Variants in ROBO2 observed in about 807,000 individuals in gnomAD.
ROBO2 encodes roundabout guidance receptor 2, also known as roundabout homolog 2.
Under a neutral mutation model 160.8 loss-of-function variants are expected in ROBO2, and 53 were observed. The observed-to-expected ratio is 0.33, with a 90% CI of 0.26 to 0.41. The LOEUF is 0.41. Ranked by LOEUF, ROBO2 falls within the 10% of genes least tolerant of loss-of-function variation. ROBO2 has a pLI of 1.00. For missense variants in ROBO2, 1,577 were observed against 1,722.4 expected (o/e 0.92, Z 1.49); for synonymous variants, 664 against 611.7 (o/e 1.09, Z -1.26).
At chr3:77,350,418 G>A (rs779616397) in intron 2 of ROBO2, among the ~76,000 whole-genome samples, 1 of 152,124 alleles carries the variant, frequency 6.6e-6, no homozygotes, top group Admixed American at 6.6e-5. Flanking sequence ...TTAATTGAAT[G>A]TGAGTCTCTT....
At chr3:76,812,364 C>T (rs955495467) in intron 2 of ROBO2, among the ~76,000 whole-genome samples, 19 of 73,164 alleles carry the variant, frequency 2.6e-4, no homozygotes, top group Admixed American at 1.3e-3. Context: ...AAAAAAAAAA[C>T]GTGTTTGAAG....
intron 2 of ROBO2, among the ~76,000 whole-genome samples, chr3:77,469,463 CTGGTGG>C (rs756598567): frequency 6.6e-6 from 1 of 151,896 alleles, no homozygotes; most frequent in Non-Finnish European, 1.5e-5. Flanking sequence ...CCTATGGTAA[CTGGTGG>C]TGGTGGTGGT....
intron 1 of ROBO2, among the ~76,000 whole-genome samples, chr3:75,934,471 ATTAC>A (rs1947684628): frequency 1.3e-5 from 2 of 152,300 alleles, no homozygotes; most frequent in South Asian, 4.1e-4. Flanking sequence ...CTTCTTACAA[ATTAC>A]TTGTTTTATC....
intron 2 of ROBO2, among the ~76,000 whole-genome samples, chr3:76,401,568 G>A (rs757366291): frequency 4.6e-5 from 7 of 151,402 alleles, no homozygotes; most frequent in East Asian, 1.9e-4. Context: ...CAACAATAAC[G>A]GAACCAGTAA....
At chr3:76,307,992 AG>A (rs1397068712) in intron 2 of ROBO2, among the ~76,000 whole-genome samples, 12 of 152,150 alleles carry the variant, frequency 7.9e-5, no homozygotes, top group African/African-American at 2.9e-4. Flanking sequence ...CTTGGAACTG[AG>A]GGGTTTGAAT....
intron 2 of ROBO2, among the ~76,000 whole-genome samples, chr3:76,377,853 G>T (rs1049857004): frequency 6.6e-6 from 1 of 152,014 alleles, no homozygotes; most frequent in African/African-American, 2.4e-5. Flanking sequence ...ACCAAACTTG[G>T]TGACATGTTT....
intron 16 of ROBO2, among the ~76,000 whole-genome samples, chr3:77,586,316 T>G (rs1285191023): frequency 2.0e-5 from 3 of 152,144 alleles, no homozygotes; most frequent in Admixed American, 2.0e-4. Flanking sequence ...AGTTATTGCT[T>G]CTCTAATCAT....
In ROBO2 at chr3:76,961,757, C is replaced by T. The variant is rs148770318; in HGVS notation, c.110-136257C>T. The stretch of plus-strand genomic sequence containing the variant: ...TTAAGTTTCCATAGTCCTCACAAGG[C>T]AATCAGTACAAATATACAATTAATT... On this transcript the variant is annotated intron_variant, in intron 2 of 26. Coordinates refer to the ROBO2 transcript ENST00000487694. Among the ~76,000 whole-genome samples the T allele has an allele frequency of 1.1e-4, 17 of 152,286 alleles. No homozygotes were observed. In the East Asian group the frequency reaches 3.3e-3, roughly 29 times the overall value.
intron 1 of ROBO2, among the ~76,000 whole-genome samples, chr3:77,070,542 G>T (rs72904045): frequency 5.8e-4 from 89 of 152,138 alleles, no homozygotes; most frequent in African/African-American, 2.0e-3. Context: ...TCTAAATAAG[G>T]TCATACGATG....
chr3:76,657,329 G>A (rs539260533), intron 2 of ROBO2, among the ~76,000 whole-genome samples: 1 of 151,930 alleles, frequency 6.6e-6, no homozygotes, highest in Admixed American at 6.5e-5. Flanking sequence ...GGAAGCTGAG[G>A]CAGGAGAATG....
intron 2 of ROBO2, among the ~76,000 whole-genome samples, chr3:77,370,891 T>C (rs184132951): frequency 3.4e-4 from 52 of 152,246 alleles, no homozygotes; most frequent in Non-Finnish European, 1.5e-5. Context: ...CTCTCTAGAC[T>C]TTTACAGATC....
At chr3:77,173,542 T>G (rs1214676937) in intron 2 of ROBO2, among the ~76,000 whole-genome samples, 3 of 152,056 alleles carry the variant, frequency 2.0e-5, no homozygotes, top group Non-Finnish European at 4.4e-5. Context: ...CTTGGCCACT[T>G]AATAATCATG....
chr3:77,609,494 A>G (rs1006325968), intron 21 of ROBO2, among the ~76,000 whole-genome samples: 5 of 152,038 alleles, frequency 3.3e-5, no homozygotes, highest in Admixed American at 1.3e-4. Flanking sequence ...TTATATGCAT[A>G]AAGTCTTGAA....
chr3:76,024,401 T>C (rs1346851041), intron 2 of ROBO2, among the ~76,000 whole-genome samples: 6 of 151,172 alleles, frequency 4.0e-5, no homozygotes, highest in Non-Finnish European at 7.4e-5. Context: ...TTGAGTCGAG[T>C]TTTCTTTGTA....
At chr3:77,021,168 T>G (rs745530437) in intron 2 of ROBO2, among the ~76,000 whole-genome samples, 5 of 152,014 alleles carry the variant, frequency 3.3e-5, no homozygotes, top group Admixed American at 6.6e-5. Context: ...ACCATTGCAC[T>G]ATAGCCTGGG....
At chr3:76,794,496 G>C (rs2108768037) in intron 2 of ROBO2, among the ~76,000 whole-genome samples, 1 of 151,996 alleles carries the variant, frequency 6.6e-6, no homozygotes. Flanking sequence ...TGTATCAAGG[G>C]TTTTGAAATT....
intron 2 of ROBO2, among the ~76,000 whole-genome samples, chr3:76,785,508 G>A (rs1253190577): frequency 2.0e-5 from 3 of 151,278 alleles, no homozygotes; most frequent in South Asian, 4.1e-4. Context: ...CATCATATAT[G>A]TTTGGTGATT....
chr3:77,142,259 C>T (rs1415679569), intron 2 of ROBO2, among the ~76,000 whole-genome samples: 1 of 151,924 alleles, frequency 6.6e-6, no homozygotes, highest in East Asian at 1.9e-4. Context: ...ATACACTGTC[C>T]TTAATATTCT....
At chr3:77,074,135 A>G (rs1156838426) in intron 1 of ROBO2, among the ~76,000 whole-genome samples, 1 of 152,194 alleles carries the variant, frequency 6.6e-6, no homozygotes, top group Non-Finnish European at 1.5e-5. Context: ...ACTACTTATG[A>G]ATTATAAATG....
Sources: allele counts gnomAD v4.1 joint callset (sites outside exome capture counted in the v4.1 genomes callset), GRCh38; gene constraint gnomAD v4.1.1; transcripts MANE v1.5; gene names NCBI Gene and HGNC (gene_info 2026-07-23, HGNC 2026-07-21).